TYR: variants seen among roughly 807,000 people sequenced by gnomAD.
The protein encoded by TYR is LB24-AB.
In TYR, 58 loss-of-function variants were observed where a neutral mutation model predicts 51.5. That is an observed-to-expected ratio of 1.13 (90% confidence interval 0.91 to 1.40). The LOEUF (loss-of-function observed/expected upper bound fraction) is 1.40. Ranked by LOEUF, TYR falls within the 40% of genes most tolerant of loss-of-function variation. TYR has a pLI of 0.00. For synonymous variants in TYR, 263 were observed against 235.2 expected (o/e 1.12, Z -1.08); for missense variants, 732 against 647.4 (o/e 1.13, Z -1.42).
chr11:89,290,013 T>TC (rs1944838096), intron 4 of TYR, among the ~76,000 whole-genome samples: 1 of 152,086 alleles, frequency 6.6e-6, no homozygotes, highest in African/African-American at 2.4e-5. Flanking sequence ...CCAGGCAGAC[T>TC]CCTAATTCAT....
At chr11:89,245,792 G>C in intron 3 of TYR, among the ~76,000 whole-genome samples, 1 of 151,876 alleles carries the variant, frequency 6.6e-6, no homozygotes, top group East Asian at 1.9e-4. Flanking sequence ...CTTGGTGGTG[G>C]GCACCTGTAG....
intron 3 of TYR, among the ~76,000 whole-genome samples, chr11:89,266,052 T>C (rs1423619770): frequency 1.3e-5 from 2 of 152,008 alleles, no homozygotes; most frequent in African/African-American, 4.8e-5. Context: ...GATCTTTTCT[T>C]GGGCTCCTTT....
At chr11:89,209,731 G>T (rs1043915827) in intron 2 of TYR, among the ~76,000 whole-genome samples, 5 of 152,122 alleles carry the variant, frequency 3.3e-5, no homozygotes, top group African/African-American at 1.2e-4. Flanking sequence ...CCTCATACAG[G>T]CAGGTGCCCC....
At chr11:89,220,617 C>T (rs7927845) in intron 2 of TYR, among the ~76,000 whole-genome samples, 3,079 of 152,048 alleles carry the variant, frequency 0.02, 100 homozygotes, top group African/African-American at 0.069. Context: ...GATAGCCGGG[C>T]GTGGCGGGTG....
intron 3 of TYR, among the ~76,000 whole-genome samples, chr11:89,256,567 A>G (rs1944394471): frequency 6.6e-6 from 1 of 151,874 alleles, no homozygotes; most frequent in Admixed American, 6.6e-5. Context: ...TAATAATGTC[A>G]GTTGTTTATA....
At chr11:89,217,255 GAGTA>G (rs1301917223) in intron 2 of TYR, among the ~76,000 whole-genome samples, 2 of 152,156 alleles carry the variant, frequency 1.3e-5, no homozygotes, top group African/African-American at 2.4e-5. Context: ...GAGAATATTG[GAGTA>G]AGTAATACTA....
At chr11:89,251,695 C>T (rs527392944) in intron 3 of TYR, among the ~76,000 whole-genome samples, 30 of 151,732 alleles carry the variant, frequency 2.0e-4, no homozygotes, top group African/African-American at 7.2e-4. Context: ...AGCTCCTGTA[C>T]GTCAGGTAAA....
chr11:89,199,309 C>A (rs1328477310), intron 2 of TYR, among the ~76,000 whole-genome samples: 3 of 152,108 alleles, frequency 2.0e-5, no homozygotes, highest in African/African-American at 7.2e-5. Context: ...ATTTCTAGTT[C>A]TAGATCCCTG....
chr11:89,189,320 T>C (rs1250764810), intron 1 of TYR, among the ~76,000 whole-genome samples: 1 of 152,046 alleles, frequency 6.6e-6, no homozygotes, highest in Non-Finnish European at 1.5e-5. Flanking sequence ...GTTTTGCTTA[T>C]AGAAAGGTGA....
Position 89,178,537 on chromosome 11 carries a change from GGA to G in TYR, c.589_590del (p.Asp197HisfsTer2). ...GCACTGCTTGGGGGATCTGAAATCTGGAGAGACATTGATTTTGCCCATGAAGC... is the reference window on the plus strand; with the variant it reads ...GCACTGCTTGGGGGATCTGAAATCTGGAGACATTGATTTTGCCCATGAAGC... On this transcript the variant is annotated frameshift_variant, in exon 1 of 5. Coordinates refer to ENST00000263321, the MANE Select transcript of TYR (RefSeq NM_000372.5). LOFTEE classifies it high-confidence loss of function. 1 of 1,614,156 alleles carries G rather than the reference GGA, an allele frequency of 6.2e-7. No individual in the cohort carries two copies. The highest frequency in any genetic ancestry group is 8.5e-7 in the Non-Finnish European group (1 of 1,180,022).
chr11:89,206,148 G>T (rs967426050), intron 2 of TYR, among the ~76,000 whole-genome samples: 1 of 151,924 alleles, frequency 6.6e-6, no homozygotes, highest in Non-Finnish European at 1.5e-5. Context: ...ATAGGTTTAA[G>T]CCATAACATT....
intron 2 of TYR, 75 bp downstream of exon 2, chr11:89,191,493 GT>G (rs1943445765): frequency 6.9e-7 from 1 of 1,443,136 alleles, no homozygotes; most frequent in African/African-American, 1.4e-5. Context: ...GTCCTAGGAG[GT>G]ATTTGAGAAT....
chr11:89,184,099 C>T (rs1197617127), intron 1 of TYR, among the ~76,000 whole-genome samples: 1 of 152,072 alleles, frequency 6.6e-6, no homozygotes, highest in Admixed American at 6.6e-5. Context: ...TTTCTCCTAG[C>T]CTGCCTCCTC....
At position 89,191,261 on chromosome 11, in the gene TYR, C is replaced by T. The variant is rs760287990; in HGVS notation, c.879C>T (p.Pro293=). The change falls in exon 2 of 5, where the codon CCC becomes CCT. Residue 293 remains proline, a synonymous_variant. Transcript: ENST00000263321. The part of the protein sequence containing the change: ...NSHQSLCNGT[P]EGPLRRNPGN... ...ATCAGTCTTTATGCAATGGAACGCC[C>T]GAGGGACCTTTACGGCGTAATCCTG... 22 of 1,613,404 alleles carry T rather than the reference C, an allele frequency of 1.4e-5. No homozygotes were observed. Among genetic ancestry groups the T allele is most frequent in the African/African-American group, 8.0e-5 (6 of 74,816 alleles).
chr11:89,178,867 G>C, intron 1 of TYR, 95 bp downstream of exon 1: 1 of 1,262,648 alleles, frequency 7.9e-7, no homozygotes, highest in Non-Finnish European at 1.1e-6. Flanking sequence ...AACACTCATT[G>C]CAGCCCCCAT....
intron 2 of TYR, chr11:89,192,055 A>G (rs759759689): frequency 2.4e-5 from 11 of 452,084 alleles, no homozygotes; most frequent in East Asian, 6.9e-5. Context: ...TTTAACTGTA[A>G]TAAGGACACA....
intron 2 of TYR, among the ~76,000 whole-genome samples, chr11:89,220,456 AT>A (rs1943894680): frequency 6.6e-6 from 1 of 152,196 alleles, no homozygotes. Context: ...AAAAGTGGGG[AT>A]TACATTTCAA....
At chr11:89,219,245 C>T (rs79292890) in intron 2 of TYR, among the ~76,000 whole-genome samples, 2,185 of 151,398 alleles carry the variant, frequency 0.014, 49 homozygotes, top group African/African-American at 0.051. Flanking sequence ...AATATTAGTC[C>T]TAAATTAAAC....
Position 89,193,801 on chromosome 11 carries a change from G to A in TYR, c.1036+2383G>A, listed in dbSNP as rs78816693. 3.9e-3 allele frequency among the ~76,000 whole-genome samples: 598 copies of A among 152,168 alleles called. 3 individuals are homozygous for A. Among genetic ancestry groups the A allele is most frequent in the African/African-American group, 0.014 (571 of 41,512 alleles). Reference sequence around the variant, plus strand: ...ATAATTTTAAGCTTACAGAGATGTTGTGAAAATAAAAGCAATACAAAAAAC... The same window carrying A: ...ATAATTTTAAGCTTACAGAGATGTTATGAAAATAAAAGCAATACAAAAAAC... On this transcript the variant is annotated intron_variant, in intron 2 of 4. Coordinates refer to ENST00000263321, the MANE Select transcript of TYR (RefSeq NM_000372.5).
Sources: allele counts gnomAD v4.1 joint callset (sites outside exome capture counted in the v4.1 genomes callset), GRCh38; gene constraint gnomAD v4.1.1; transcripts MANE v1.5; gene names NCBI Gene and HGNC (gene_info 2026-07-23, HGNC 2026-07-21).